PIK3CD: variants seen among roughly 807,000 people sequenced by gnomAD.
PIK3CD encodes the protein phosphatidylinositol 4,5-bisphosphate 3-kinase catalytic subunit delta isoform.
Under a neutral mutation model 122.9 loss-of-function variants are expected in PIK3CD, and 20 were observed. The observed-to-expected ratio is 0.16, with a 90% CI of 0.11 to 0.24. The LOEUF (loss-of-function observed/expected upper bound fraction) is 0.24. Among genes scored for constraint, PIK3CD ranks in the 10% least tolerant of loss-of-function variants. The pLI, the probability that PIK3CD is intolerant of heterozygous loss-of-function variation, is 1.00. For synonymous variants in PIK3CD, 596 were observed against 593.4 expected, an observed-to-expected ratio of 1.00 and a Z score of -0.06; for missense variants, 787 against 1,406.3, an observed-to-expected ratio of 0.56 and a Z score of 7.04.
intron 1 of PIK3CD, among the ~76,000 whole-genome samples, chr1:9,682,899 T>G (rs1375512959): frequency 6.6e-6 from 1 of 152,160 alleles, no homozygotes; most frequent in Non-Finnish European, 1.5e-5. Context: ...ACCCTGTCCC[T>G]CAGGGACACT....
chr1:9,678,186 G>A (rs908057813), intron 1 of PIK3CD, among the ~76,000 whole-genome samples: 1 of 151,612 alleles, frequency 6.6e-6, no homozygotes, highest in African/African-American at 2.4e-5. Context: ...AAATCCGGCC[G>A]GGCACTGTGG....
chr1:9,687,491 G>A (rs1646009543), intron 1 of PIK3CD: 1 of 152,162 alleles, frequency 6.6e-6, no homozygotes, highest in African/African-American at 2.4e-5. Context: ...CCCGTCGGCT[G>A]AGTCAGGGGG....
intron 2 of PIK3CD, among the ~76,000 whole-genome samples, chr1:9,695,685 T>C (rs2100544115): frequency 6.6e-6 from 1 of 151,812 alleles, no homozygotes; most frequent in East Asian, 2.0e-4. Flanking sequence ...CTACTAAAAA[T>C]ACAAAAATTA....
Position 9,720,454 on chromosome 1 carries a change from G to A in PIK3CD, c.1471-157G>A, listed in dbSNP as rs1206525155. On this transcript the variant is annotated intron_variant, in intron 11 of 23. Transcript: ENST00000377346. This position sits in a 1 kb window ranked among gnomAD's most constrained non-coding sequence, Gnocchi z 9.0. ...CACAGCTGCCAGGAGGGATGCTCTT[G>A]GCATCTCGTGAGTGGAGGCCAGAGC... 1 of 1,442,072 alleles carries A rather than the reference G, an allele frequency of 6.9e-7. No homozygotes were observed. Among genetic ancestry groups the A allele is most frequent in the East Asian group, 2.5e-5 (1 of 39,964 alleles). The allele number at this position is 1,442,072 out of a possible 1,614,324, so 89.3% of individuals were successfully genotyped here.
At chr1:9,694,953 C>T (rs1646344455) in intron 2 of PIK3CD, among the ~76,000 whole-genome samples, 1 of 150,664 alleles carries the variant, frequency 6.6e-6, no homozygotes, top group African/African-American at 2.5e-5. Flanking sequence ...CAGAGTGAGA[C>T]CCTGTCTCAA....
chr1:9,682,623 C>T (rs1186795569), intron 1 of PIK3CD, among the ~76,000 whole-genome samples: 1 of 152,228 alleles, frequency 6.6e-6, no homozygotes, highest in Non-Finnish European at 1.5e-5. Context: ...GATTTCAGCT[C>T]ACTGCCATCT....
chr1:9,702,500 CTTTTTTTTTTTTT>C (rs60167511), intron 2 of PIK3CD, among the ~76,000 whole-genome samples: 60 of 25,816 alleles, frequency 2.3e-3, no homozygotes, highest in Non-Finnish European at 2.9e-3. Context: ...AAGAACTTTC[CTTTTTTTTTTTTT>C]TTTTTTTTTT....
At chr1:9,702,500 C>CCTTTTTTTTTTTTTTTTTT (rs1646675709) in intron 2 of PIK3CD, among the ~76,000 whole-genome samples, 1 of 25,804 alleles carries the variant, frequency 3.9e-5, no homozygotes, top group Non-Finnish European at 1.0e-4. Context: ...AAGAACTTTC[C>CCTTTTTTTTTTTTTTTTTT]TTTTTTTTTT....
At position 9,724,902 on chromosome 1, in the gene PIK3CD, A is replaced by G. The variant is rs2101009633; in HGVS notation, c.2963A>G (p.Glu988Gly). 6.2e-7 allele frequency: 1 copy of G among 1,613,926 alleles called. No individual in the cohort carries two copies. Among genetic ancestry groups the G allele is most frequent in the East Asian group, 2.2e-5 (1 of 44,886 alleles). The change falls in exon 23 of 24, where the codon GAG becomes GGG. Residue 988 changes from glutamate to glycine, a missense_variant. Transcript: ENST00000377346. The surrounding 1 kb of genome is among the most constrained non-coding windows in gnomAD (Gnocchi z 7.3). Reference protein sequence around the residue: ...FALMRAAGLPELSCSKDIQYL... With the variant: ...FALMRAAGLPGLSCSKDIQYL... ...CTGATGCGGGCGGCAGGCCTGCCTG[A>G]GCTCAGCTGCTCCAAAGACATCCAG...
In PIK3CD at chr1:9,722,703, T is replaced by C; in HGVS notation, c.2426+97T>C. The C allele has an allele frequency of 9.3e-7, 1 of 1,071,514 alleles. No homozygotes were observed. Among genetic ancestry groups the C allele is most frequent in the Non-Finnish European group, 1.4e-6 (1 of 697,148 alleles). 66.4% of individuals were successfully genotyped at this position (1,071,514 alleles called of 1,614,324 possible). ...CCTTGTTGAAGGTGGCATGACCATC[T>C]CAGCCGGGGAAAGGGCTTTCCTAGG... On this transcript the variant is annotated intron_variant, in intron 19 of 23. Transcript: ENST00000377346. The surrounding 1 kb of genome is among the most constrained non-coding windows in gnomAD (Gnocchi z 7.6).
In PIK3CD at chr1:9,724,968, G is replaced by A. The variant is rs774044976; in HGVS notation, c.2997+32G>A. ...GCCGGGCAGGAGACTGCTGTCGCCA[G>A]TGGACTTCCAAGGCCTGCCCCCGAG... On this transcript the variant is annotated intron_variant, in intron 23 of 23. Transcript: ENST00000377346. This position sits in a 1 kb window ranked among gnomAD's most constrained non-coding sequence, Gnocchi z 7.3. 3.9e-5 allele frequency: 63 copies of A among 1,612,412 alleles called. No homozygotes were observed. The highest frequency in any genetic ancestry group is 5.2e-5 in the Non-Finnish European group (61 of 1,179,894).
chr1:9,718,641 GGA>G lies in PIK3CD; in HGVS notation c.1021-49_1021-48del. On this transcript the variant is annotated intron_variant, in intron 8 of 23. Transcript: ENST00000377346. The surrounding 1 kb of genome is among the most constrained non-coding windows in gnomAD (Gnocchi z 7.2). ...GGAGACTGACACCTTAAGGGGGAGGGGAGAGGGGCTGGGCCTCTGCCTCCTCA... is the reference window on the plus strand; with the variant it reads ...GGAGACTGACACCTTAAGGGGGAGGGGAGGGGCTGGGCCTCTGCCTCCTCA... The G allele has an allele frequency of 6.6e-7, 1 of 1,504,608 alleles. No homozygotes were observed. 93.2% of individuals were successfully genotyped at this position (1,504,608 alleles called of 1,614,324 possible).
At chr1:9,657,206 C>T (rs1644882963) in intron 1 of PIK3CD, among the ~76,000 whole-genome samples, 1 of 152,122 alleles carries the variant, frequency 6.6e-6, no homozygotes, top group Non-Finnish European at 1.5e-5. Flanking sequence ...TTTAGGGCTC[C>T]CTCAGATAAT....
chr1:9,716,519 T>C lies in PIK3CD; in HGVS notation c.680T>C (p.Val227Ala). The change falls in exon 6 of 24, where the codon GTG (valine) becomes GCG (alanine). Residue 227 changes from valine (V) to alanine (A), a missense_variant. Physicochemically the swap from Val to Ala is moderately conservative, Grantham distance 64. Around this residue, in one of 6 missense-constraint regions of PIK3CD, gnomAD observed 592 missense variants for 920.6 expected, o/e 0.64. Transcript: ENST00000377346. ...MACALRKKATVFRQPLVEQPE... is the reference protein window; with the variant it reads ...MACALRKKATAFRQPLVEQPE... ...TGTGCCCTGCGGAAGAAGGCCACAG[T>C]GTTCCGGCAGCCGCTGGTGGAGCAG... The C allele has an allele frequency of 6.2e-7, 1 of 1,610,112 alleles. No homozygotes were observed.
At chr1:9,670,052 T>C (rs1397894506) in intron 1 of PIK3CD, among the ~76,000 whole-genome samples, 1 of 144,552 alleles carries the variant, frequency 6.9e-6, no homozygotes, top group Non-Finnish European at 1.5e-5. Flanking sequence ...TGGGTGCCTA[T>C]AATCCCAGCT....
intron 2 of PIK3CD, among the ~76,000 whole-genome samples, chr1:9,702,461 A>G (rs1475045747): frequency 1.7e-5 from 2 of 121,184 alleles, no homozygotes; most frequent in African/African-American, 3.3e-5. Context: ...TCGGAGTTTG[A>G]CTCTTAGAGG....
chr1:9,711,768 G>A (rs1219813933), intron 3 of PIK3CD, among the ~76,000 whole-genome samples: 3 of 152,140 alleles, frequency 2.0e-5, no homozygotes, highest in Admixed American at 6.5e-5. Context: ...TTTTTGTGGA[G>A]ATGGGGTTTC....
Position 9,652,082 on chromosome 1 carries a change from C to A in PIK3CD, c.-138+280C>A, listed in dbSNP as rs1415530361. Among the ~76,000 whole-genome samples the A allele has an allele frequency of 3.3e-5, 5 of 151,950 alleles. No homozygotes were observed. Among genetic ancestry groups the A allele is most frequent in the African/African-American group, 7.2e-5 (3 of 41,404 alleles). ...GAGAGGGGCGTGCGCAGCTCCCCGGCGCCTGCACTGCGCGCCTTGCCCGCC... is the reference window on the plus strand; with the variant it reads ...GAGAGGGGCGTGCGCAGCTCCCCGGAGCCTGCACTGCGCGCCTTGCCCGCC... On this transcript the variant is annotated intron_variant, in intron 1 of 23. Transcript: ENST00000377346. This position sits in a 1 kb window ranked among gnomAD's most constrained non-coding sequence, Gnocchi z 6.2.
At chr1:9,684,004 G>C (rs1388427192) in intron 1 of PIK3CD, among the ~76,000 whole-genome samples, 1 of 152,082 alleles carries the variant, frequency 6.6e-6, no homozygotes, top group Non-Finnish European at 1.5e-5. Flanking sequence ...GCAGCGTCAG[G>C]GTAGTCAGAC....
Sources: gnomAD v4.1 joint callset for allele counts (sites outside exome capture counted in the v4.1 genomes callset) on GRCh38, gnomAD v4.1.1 for gene constraint, gnomAD v4.1.1 regional missense constraint, Gnocchi (gnomAD v3.1) non-coding constraint, MANE v1.5 for transcripts, NCBI Gene and HGNC (gene_info 2026-07-23, HGNC 2026-07-21) for gene names.